TMPRSS6: variants seen among roughly 807,000 people sequenced by gnomAD.
TMPRSS6 encodes transmembrane protease serine 6.
Under a neutral mutation model 101.5 loss-of-function variants are expected in TMPRSS6, and 67 were observed. The ratio of observed to expected loss-of-function variants is 0.66; its 90% CI spans 0.54 to 0.81. The LOEUF is 0.81. Among genes scored for constraint, TMPRSS6 ranks in the 30% least tolerant of loss-of-function variants. The pLI is 0.00. For synonymous variants in TMPRSS6, 453 were observed against 464.9 expected, an observed-to-expected ratio of 0.97 and a Z score of 0.33; for missense variants, 1,034 against 1,088.7, an observed-to-expected ratio of 0.95 and a Z score of 0.71.
chr22:37,080,023 A>C (rs999626800), intron 10 of TMPRSS6: 1 of 152,290 alleles, frequency 6.6e-6, no homozygotes, highest in Middle Eastern at 3.2e-3. Context: ...GTGAGTGGAA[A>C]TGGTGGGGCG....
In TMPRSS6 at chr22:37,084,051, T is replaced by C. The variant is rs936962925; in HGVS notation, c.1196+244A>G. 3 of 597,174 alleles carry C rather than the reference T, an allele frequency of 5.0e-6. No individual in the cohort carries two copies. The African/African-American group carries it at 5.6e-5, about 11-fold the overall frequency. 37.0% of individuals were successfully genotyped at this position (597,174 alleles called of 1,614,324 possible). A position where few individuals can be genotyped will look rare whatever the true frequency, so the allele number is the denominator to read the frequency against. On this transcript the variant is annotated intron_variant, in intron 10 of 17. Coordinates refer to ENST00000676104, the MANE Select transcript of TMPRSS6 (RefSeq NM_001374504.1). ...AATTAGAATAAACATCCAAGGTGTC[T>C]GATGACCAAACGTGTCTGAGACCTC... is the stretch of plus-strand genomic sequence containing the variant.
chr22:37,089,376 G>A (rs141126962), intron 7 of TMPRSS6, among the ~76,000 whole-genome samples: 22 of 152,014 alleles, frequency 1.4e-4, no homozygotes, highest in East Asian at 7.7e-4. Flanking sequence ...ACTGAGGCTC[G>A]CGGAGGGGAA....
At chr22:37,068,974 G>GCCCCGGGACCCCCAGCCCCGCCCTT in intron 16 of TMPRSS6, 99 bp downstream of exon 16, 1 of 1,490,592 alleles carries the variant, frequency 6.7e-7, no homozygotes. Context: ...ATGGGGTGGA[G>GCCCCGGGACCCCCAGCCCCGCCCTT]CCCCGGGACC....
At chr22:37,068,966 G>A (rs1250228892) in intron 16 of TMPRSS6, 107 bp downstream of exon 16, 1 of 1,482,788 alleles carries the variant, frequency 6.7e-7, no homozygotes, top group Non-Finnish European at 8.9e-7. Context: ...GAGGGCCTAT[G>A]GGGTGGAGCC....
rs770489324 is a variant in TMPRSS6 at position 37,103,297 on chromosome 22, AG to A, written c.120del (p.Tyr41ThrfsTer27). On this transcript the variant is annotated frameshift_variant, in exon 2 of 18. Coordinates refer to ENST00000676104, the MANE Select transcript of TMPRSS6 (RefSeq NM_001374504.1). LOFTEE classifies it high-confidence loss of function. This position sits in a 1 kb window ranked among gnomAD's most constrained non-coding sequence, Gnocchi z 4.4. ...ACEDSKRKARGYLRLVPLFVL... is the reference protein window; with the variant it reads ...ACEDSKRKARXYLRLVPLFVL... ...ACAAACAGGGGCACCAGGCGGAGGT[AG>A]CCCCGGGCTTTTCTCTTGGAGTCCT... is the stretch of plus-strand genomic sequence containing the variant. 5 of 1,614,024 alleles carry A rather than the reference AG, an allele frequency of 3.1e-6. No homozygotes were observed. In the African/African-American group the frequency reaches 6.7e-5, roughly 22 times the overall value.
chr22:37,078,931 AAGAAGG>A (rs879580704), intron 10 of TMPRSS6, among the ~76,000 whole-genome samples: 10,085 of 98,544 alleles, frequency 0.1, 656 homozygotes, highest in African/African-American at 0.18. Flanking sequence ...AAAGAAGAGG[AAGAAGG>A]AGAAGGAGAA....
chr22:37,078,305 G>T (rs1046443882), intron 10 of TMPRSS6, among the ~76,000 whole-genome samples: 1 of 152,188 alleles, frequency 6.6e-6, no homozygotes, highest in African/African-American at 2.4e-5. Context: ...CAAGCCTTGG[G>T]CAGGGGCTGT....
chr22:37,069,148 G>T lies in TMPRSS6; in HGVS notation c.2038C>A (p.Leu680Met). Residue 680 changes from leucine (L) to methionine (M), a missense_variant, in exon 16 of 18, where the codon CTG becomes ATG. Leu to Met is a conservative substitution (Grantham distance 15, BLOSUM62 2). Transcript: ENST00000676104. This position sits in a 1 kb window ranked among gnomAD's most constrained non-coding sequence, Gnocchi z 4.8. ...VRSAAVRPVC[L>M]PARSHFFEPG... ...TCGAAGAAGTGGGAGCGCGCGGGCA[G>T]GCAGACGGGGCGCACGGCGGCCGAG... is the stretch of plus-strand genomic sequence containing the variant. The T allele has an allele frequency of 6.3e-7, 1 of 1,575,368 alleles. No homozygotes were observed.
Position 37,098,565 on chromosome 22 carries a change from C to T in TMPRSS6, c.203-16G>A, listed in dbSNP as rs1569024334. 2.5e-6 allele frequency: 4 copies of T among 1,613,994 alleles called. No individual in the cohort carries two copies. Among genetic ancestry groups the T allele is most frequent in the Non-Finnish European group, 1.7e-6 (2 of 1,180,010 alleles). On this transcript the variant is annotated splice_polypyrimidine_tract_variant and intron_variant, in intron 2 of 17. Transcript: ENST00000676104. ...GCCTTGTACCCTGCCCAGGAAGGAA[C>T]CAGCAGGGTTAGTGGAGGAAGCAGG...
chr22:37,066,251 A>G lies in TMPRSS6; in HGVS notation c.2251-13T>C. The G allele has an allele frequency of 2.5e-6, 4 of 1,604,388 alleles. No homozygotes were observed. The highest frequency in any genetic ancestry group is 3.4e-6 in the Non-Finnish European group (4 of 1,174,918). ...CACCTGAGTCACCCTGAAAGGGGGA[A>G]AGGAGAAAGGACTGAAGCAGGGTAA... On this transcript the variant is annotated splice_polypyrimidine_tract_variant and intron_variant, in intron 17 of 17. Coordinates refer to ENST00000676104, the MANE Select transcript of TMPRSS6 (RefSeq NM_001374504.1).
chr22:37,080,271 G>A (rs1928158651), intron 10 of TMPRSS6: 1 of 152,572 alleles, frequency 6.6e-6, no homozygotes. Context: ...GCAGGTCAGG[G>A]GTGAAGGAGG....
Position 37,096,691 on chromosome 22 carries a change from G to T in TMPRSS6, c.361C>A (p.Arg121Ser). Reference protein sequence around the residue: ...KMLKELITSTRLGTYYNSSSV... With the variant: ...KMLKELITSTSLGTYYNSSSV... ...CTGGAGTTGTAGTAAGTTCCCAGGCGGGTGCTGGTGATGAGCTCCTTGAGC... is the reference window on the plus strand; with the variant it reads ...CTGGAGTTGTAGTAAGTTCCCAGGCTGGTGCTGGTGATGAGCTCCTTGAGC... The change falls in exon 4 of 18, where the codon CGC (arginine) becomes AGC (serine). Residue 121 changes from arginine (R) to serine (S), a missense_variant. Coordinates refer to ENST00000676104, the MANE Select transcript of TMPRSS6 (RefSeq NM_001374504.1). The T allele has an allele frequency of 1.3e-6, 2 of 1,566,418 alleles. No homozygotes were observed. The highest frequency in any genetic ancestry group is 1.7e-6 in the Non-Finnish European group (2 of 1,154,488).
intron 7 of TMPRSS6, 23 bp downstream of exon 7, chr22:37,089,551 CTCCT>C: frequency 1.4e-5 from 20 of 1,415,264 alleles, no homozygotes; most frequent in East Asian, 2.4e-5. Context: ...CCAGCCCTCC[CTCCT>C]GCCCTCCTTC....
chr22:37,066,328 G>C, intron 17 of TMPRSS6, 90 bp from the exon 18 acceptor site: 5 of 1,308,470 alleles, frequency 3.8e-6, no homozygotes, highest in Non-Finnish European at 5.2e-6. Flanking sequence ...CCTGACTGTT[G>C]GGAATTGACT....
At chr22:37,096,456 C>A (rs1929771657) in intron 4 of TMPRSS6, among the ~76,000 whole-genome samples, 192 bp downstream of exon 4, 1 of 152,328 alleles carries the variant, frequency 6.6e-6, no homozygotes. Flanking sequence ...GCAAACCTAT[C>A]ACACCCATGT....
chr22:37,067,195 G>A (rs1926383789), intron 16 of TMPRSS6, among the ~76,000 whole-genome samples: 1 of 152,212 alleles, frequency 6.6e-6, no homozygotes, highest in African/African-American at 2.4e-5. Flanking sequence ...GGAGGGCCGG[G>A]CACGGTGGCT....
chr22:37,096,901 C>A (rs1007789987), intron 3 of TMPRSS6, among the ~76,000 whole-genome samples, 186 bp from the exon 4 acceptor site: 1 of 152,112 alleles, frequency 6.6e-6, no homozygotes, highest in Non-Finnish European at 1.5e-5. Context: ...AATCTCACAC[C>A]CCATCCCCTT....
chr22:37,090,439 G>C (rs1164155863), intron 6 of TMPRSS6, among the ~76,000 whole-genome samples: 1 of 152,250 alleles, frequency 6.6e-6, no homozygotes. Context: ...TTCCGGTAGA[G>C]AGAAGGGAGT....
chr22:37,067,171 A>G (rs1426768052), intron 16 of TMPRSS6, among the ~76,000 whole-genome samples: 3 of 152,044 alleles, frequency 2.0e-5, no homozygotes, highest in African/African-American at 2.4e-5. Context: ...ACAGCCCCCG[A>G]CCAAAGCCCA....
Sources: gnomAD v4.1 joint callset for allele counts (sites outside exome capture counted in the v4.1 genomes callset) on GRCh38, gnomAD v4.1.1 for gene constraint, Gnocchi (gnomAD v3.1) non-coding constraint, MANE v1.5 for transcripts, NCBI Gene and HGNC (gene_info 2026-07-23, HGNC 2026-07-21) for gene names.